The following CASD1 variants were observed in gnomAD, a reference collection of about 807,000 sequenced individuals.
The protein encoded by CASD1 is N-acetylneuraminate (7)9-O-acetyltransferase.
A neutral mutation model predicts 100.0 loss-of-function variants in CASD1; 41 were observed. The ratio of observed to expected loss-of-function variants is 0.41; its 90% confidence interval spans 0.32 to 0.53. CASD1 has a LOEUF of 0.53. CASD1 is among the 20% of genes least tolerant of loss of function. The pLI, the probability that CASD1 is intolerant of heterozygous loss-of-function variation, is 0.25. For missense variants in CASD1, 774 were observed against 948.7 expected (o/e 0.82, Z 2.42); for synonymous variants, 321 against 315.6 (o/e 1.02, Z -0.18).
At chr7:94,598,480 A>T in the CASD1 span, 1 of 340,374 alleles carries the variant, frequency 2.9e-6, no homozygotes, top group Non-Finnish European at 5.4e-6. Context: ...TTTTTTTATA[A>T]TTAACTCATC....
chr7:94,628,482 A>G, the CASD1 span: 3 of 710,624 alleles, frequency 4.2e-6, no homozygotes, highest in Non-Finnish European at 7.1e-6. Context: ...CTAAATACAC[A>G]CATACAAAAC....
intron 6 of CASD1, 117 bp from the exon 7 acceptor site, chr7:94,533,562 A>G (rs1794956949): frequency 1.3e-6 from 1 of 773,870 alleles, no homozygotes. Flanking sequence ...TTTTATTCTA[A>G]TATTAAATAA....
At chr7:94,615,349 A>C in the CASD1 span, among the ~76,000 whole-genome samples, 6 of 150,474 alleles carry the variant, frequency 4.0e-5, no homozygotes, top group African/African-American at 1.5e-4. Context: ...ACAGAGCAAG[A>C]CTCTGTCTCA....
chr7:94,529,101 T>C (rs546655910), intron 5 of CASD1, among the ~76,000 whole-genome samples: 1 of 152,194 alleles, frequency 6.6e-6, no homozygotes, highest in African/African-American at 2.4e-5. Context: ...AGACAACTTC[T>C]AGAATTCAAA....
intron 3 of CASD1, among the ~76,000 whole-genome samples, chr7:94,518,718 T>C (rs536794605): frequency 6.6e-6 from 1 of 152,162 alleles, no homozygotes; most frequent in African/African-American, 2.4e-5. Context: ...ATATGTGCAA[T>C]TTTATATCTT....
intron 3 of CASD1, among the ~76,000 whole-genome samples, chr7:94,522,748 C>G (rs1473850744): frequency 6.6e-6 from 1 of 151,988 alleles, no homozygotes; most frequent in Non-Finnish European, 1.5e-5. Flanking sequence ...AGCTCTACCT[C>G]CCGGGTTCAC....
At chr7:94,565,949 G>A in the CASD1 span, among the ~76,000 whole-genome samples, 1 of 152,162 alleles carries the variant, frequency 6.6e-6, no homozygotes, top group African/African-American at 2.4e-5. Flanking sequence ...GAAAGTCTTG[G>A]CTAGGATGAT....
chr7:94,514,058 G>C (rs1319445526), intron 1 of CASD1, among the ~76,000 whole-genome samples: 2 of 151,962 alleles, frequency 1.3e-5, no homozygotes, highest in Non-Finnish European at 2.9e-5. Context: ...TTCCAATCTG[G>C]ATAAATTTTA....
At chr7:94,538,093 C>T (rs1368126328) in intron 9 of CASD1, among the ~76,000 whole-genome samples, 199 bp downstream of exon 9, 1 of 152,076 alleles carries the variant, frequency 6.6e-6, no homozygotes, top group Admixed American at 6.5e-5. Flanking sequence ...AGGTCAGAGT[C>T]ACGTGAAAAT....
the CASD1 span, among the ~76,000 whole-genome samples, chr7:94,577,581 C>A: frequency 1.3e-5 from 2 of 152,186 alleles, no homozygotes; most frequent in East Asian, 3.9e-4. Context: ...CTTCTTAGGT[C>A]TTTCCTGAGC....
At position 94,525,773 on chromosome 7, in the gene CASD1, TG is replaced by T. The variant is rs1794533754; in HGVS notation, c.352-1388del. On this transcript the variant is annotated intron_variant, in intron 3 of 17. Coordinates refer to ENST00000297273, the MANE Select transcript of CASD1 (RefSeq NM_022900.5). ...TCTCGAGACTCCTTTTGGAAAGTGA[TG>T]TTTTAGAAGCACCAACAAGAATCTA... Among the ~76,000 whole-genome samples, 5 of 152,328 alleles carry T rather than the reference TG, an allele frequency of 3.3e-5. No individual in the cohort carries two copies. The South Asian group carries it at 1.0e-3, about 32-fold the overall frequency.
At chr7:94,550,236 T>C (rs544909804) in intron 14 of CASD1, among the ~76,000 whole-genome samples, 1 of 152,266 alleles carries the variant, frequency 6.6e-6, no homozygotes, top group African/African-American at 2.4e-5. Context: ...TAATAACTAT[T>C]AATTATTTCA....
chr7:94,633,369 AT>A, the CASD1 span, among the ~76,000 whole-genome samples: 2 of 152,118 alleles, frequency 1.3e-5, no homozygotes, highest in African/African-American at 2.4e-5. Context: ...AAGGAACAGA[AT>A]TTTTTAAGTA....
the CASD1 span, among the ~76,000 whole-genome samples, chr7:94,570,419 C>T: frequency 1.3e-5 from 2 of 152,158 alleles, no homozygotes; most frequent in South Asian, 2.1e-4. Flanking sequence ...ACTGTATCCC[C>T]TTTTATGTTA....
chr7:94,542,697 C>T (rs1795473300), intron 10 of CASD1, among the ~76,000 whole-genome samples: 1 of 152,120 alleles, frequency 6.6e-6, no homozygotes, highest in African/African-American at 2.4e-5. Context: ...AATGGATTGC[C>T]TTGGGAATTT....
intron 7 of CASD1, among the ~76,000 whole-genome samples, chr7:94,534,159 A>ATTT (rs56864121): frequency 3.9e-4 from 39 of 100,508 alleles, no homozygotes; most frequent in Non-Finnish European, 4.6e-4. Context: ...CTGTTTCATA[A>ATTT]TTTTTTTTTT....
chr7:94,617,751 G>C, the CASD1 span: 1 of 151,550 alleles, frequency 6.6e-6, no homozygotes, highest in Admixed American at 6.6e-5. Flanking sequence ...AAATTTTTAA[G>C]TTGGACTTTA....
intron 17 of CASD1, 133 bp from the exon 18 acceptor site, chr7:94,555,359 A>T: frequency 1.2e-6 from 1 of 815,262 alleles, no homozygotes; most frequent in Non-Finnish European, 1.9e-6. Flanking sequence ...CAGGGCCAGT[A>T]GTGAGACAGA....
the CASD1 span, among the ~76,000 whole-genome samples, chr7:94,577,717 C>T: frequency 6.6e-6 from 1 of 152,100 alleles, no homozygotes. Flanking sequence ...ATTGTTTGTC[C>T]CAGTTGTTAT....
Sources: allele counts gnomAD v4.1 joint callset (sites outside exome capture counted in the v4.1 genomes callset), GRCh38; gene constraint gnomAD v4.1.1; transcripts MANE v1.5; gene names NCBI Gene and HGNC (gene_info 2026-07-23, HGNC 2026-07-21).